The following REL variants were observed in gnomAD, a reference collection of about 807,000 sequenced individuals.
REL encodes the protein REL proto-oncogene, NF-kB subunit, also known as proto-oncogene c-Rel.
A neutral mutation model predicts 45.9 loss-of-function variants in REL; 15 were observed. The ratio of observed to expected loss-of-function variants is 0.33; its 90% CI spans 0.22 to 0.50. The LOEUF (loss-of-function observed/expected upper bound fraction) is 0.50, where lower values mean the gene tolerates loss of function less well. REL is among the 20% of genes least tolerant of loss of function. The pLI is 0.98. For missense variants in REL, 601 were observed against 715.2 expected, an observed-to-expected ratio of 0.84 and a Z score of 1.82; for synonymous variants, 239 against 242.1, an observed-to-expected ratio of 0.99 and a Z score of 0.12.
intron 4 of REL, among the ~76,000 whole-genome samples, chr2:60,912,580 G>T (rs1223868828): frequency 2.0e-5 from 3 of 152,042 alleles, no homozygotes; most frequent in Non-Finnish European, 4.4e-5. Context: ...TTCTGAAGTT[G>T]CAACAGTGCT....
intron 3 of REL, among the ~76,000 whole-genome samples, chr2:60,897,908 C>A (rs543884257): frequency 6.6e-6 from 1 of 150,376 alleles, no homozygotes; most frequent in Non-Finnish European, 1.5e-5. Context: ...ATTCCCCAAA[C>A]GTGATTTTAC....
At chr2:60,898,106 G>A (rs550719712) in intron 3 of REL, among the ~76,000 whole-genome samples, 1 of 152,114 alleles carries the variant, frequency 6.6e-6, no homozygotes, top group African/African-American at 2.4e-5. Flanking sequence ...ATTCATCACC[G>A]TCATACTACC....
intron 4 of REL, among the ~76,000 whole-genome samples, chr2:60,912,676 CA>C (rs1673852257): frequency 6.6e-6 from 1 of 151,806 alleles, no homozygotes; most frequent in Admixed American, 6.6e-5. Context: ...CTATAAAAGA[CA>C]AAACTGTTCA....
chr2:60,919,893 G>T, intron 7 of REL, 148 bp from the exon 8 acceptor site: 1 of 549,016 alleles, frequency 1.8e-6, no homozygotes, highest in South Asian at 2.8e-5. Flanking sequence ...CTACTGATTT[G>T]GGACATATTC....
Position 60,896,959 on chromosome 2 carries a change from A to G in REL, c.302+2414A>G, listed in dbSNP as rs149698506. Among the ~76,000 whole-genome samples the G allele has an allele frequency of 7.0e-3, 1,067 of 152,336 alleles. 12 individuals carry two copies. Among genetic ancestry groups the G allele is most frequent in the Non-Finnish European group, 0.011 (769 of 68,026 alleles). ...TAATATTTTCATGTTAACATGAAAC[A>G]TTTTGGGCAAGAAATCTATAGAAGT... On this transcript the variant is annotated intron_variant, in intron 3 of 9. Coordinates refer to ENST00000394479, the MANE Select transcript of REL (RefSeq NM_001291746.2).
intron 3 of REL, among the ~76,000 whole-genome samples, chr2:60,896,229 G>A (rs563575322): frequency 2.2e-4 from 33 of 152,110 alleles, no homozygotes; most frequent in South Asian, 1.7e-3. Context: ...GGCTGGTCTC[G>A]AATTCCTGAC....
rs747058897 is a variant in REL, at chr2:60,894,492, C to A, written c.249C>A (p.Asp83Glu). The A allele has an allele frequency of 1.1e-5, 17 of 1,608,454 alleles. No individual in the cohort carries two copies. Among genetic ancestry groups the A allele is most frequent in the Non-Finnish European group, 1.4e-5 (17 of 1,177,172 alleles). The change falls in exon 3 of 10, where the codon GAC (aspartate) becomes GAA (glutamate). Residue 83 changes from aspartate to glutamate, a missense_variant. Asp to Glu is a conservative substitution (Grantham distance 45, BLOSUM62 2). This residue lies in a region of REL where 241 missense variants were observed against 347.0 expected (regional missense o/e 0.69). Transcript: ENST00000394479. ...ATCCTCATGATTTAGTTGGAAAAGA[C>A]TGCAGAGACGGCTACTATGAAGCAG... is the stretch of plus-strand genomic sequence containing the variant. Reference protein sequence around the residue: ...KPHPHDLVGKDCRDGYYEAEF... With the variant: ...KPHPHDLVGKECRDGYYEAEF...
chr2:60,906,911 A>ATTTTTTT (rs1285004419), intron 4 of REL, among the ~76,000 whole-genome samples: 19 of 109,008 alleles, frequency 1.7e-4, no homozygotes, highest in Non-Finnish European at 2.3e-4. Context: ...ATATATATAT[A>ATTTTTTT]TATTTTTTTT....
chr2:60,891,726 G>A lies in REL; in HGVS notation c.54G>A (p.Gln18=), dbSNP rs2103927557. The A allele has an allele frequency of 6.2e-7, 1 of 1,614,082 alleles. No homozygotes were observed. ...PYIEIIEQPR[Q]RGMRFRYKCE... is the part of the protein sequence containing the mutation. Reference sequence around the variant, plus strand: ...TAGAGATAATTGAACAACCCAGGCAGAGGGGAATGCGTTTTAGATACAAAT... The same window carrying A: ...TAGAGATAATTGAACAACCCAGGCAAAGGGGAATGCGTTTTAGATACAAAT... Residue 18 remains glutamine (Q), a synonymous_variant, in exon 2 of 10, where the codon CAG becomes CAA. Transcript: ENST00000394479.
Position 60,927,790 on chromosome 2 carries a change from T to C in REL, c.*5255T>C, listed in dbSNP as rs1187633665. ...TTAAATGTACAGCTTAATTAATTTT[T>C]ATGTATGTTAACACCCATGTCACCA... On this transcript the variant is annotated 3_prime_UTR_variant, in exon 10 of 10. Transcript: ENST00000394479. 8.8e-6 allele frequency: 2 copies of C among 228,232 alleles called. No individual in the cohort carries two copies. Among genetic ancestry groups the C allele is most frequent in the Non-Finnish European group, 1.7e-5 (2 of 114,900 alleles). 14.1% of individuals were successfully genotyped at this position (228,232 alleles called of 1,614,324 possible). A position where few individuals can be genotyped will look rare whatever the true frequency, so the allele number is the denominator to read the frequency against.
intron 1 of REL, among the ~76,000 whole-genome samples, chr2:60,891,021 G>A (rs952127666): frequency 3.3e-5 from 5 of 152,158 alleles, no homozygotes; most frequent in Admixed American, 6.5e-5. Flanking sequence ...TATAGAAAGT[G>A]AATACTTTTT....
Position 60,920,036 on chromosome 2 carries a change from A to G in REL, c.854-5A>G. 1 of 1,598,840 alleles carries G rather than the reference A, an allele frequency of 6.3e-7. No homozygotes were observed. Among genetic ancestry groups the G allele is most frequent in the Non-Finnish European group, 8.5e-7 (1 of 1,170,258 alleles). On this transcript the variant is annotated splice_polypyrimidine_tract_variant and splice_region_variant and intron_variant, in intron 7 of 9. Transcript: ENST00000394479. ...TATCTGCTTTCCTGGTTTCTTTCTA[A>G]TCAGATACTTACGGCAATAAAGCAA...
At position 60,916,978 on chromosome 2, in the gene REL, G is replaced by A; in HGVS notation, c.496G>A (p.Ala166Thr). ...LPDEHGNLTT[A>T]LPPVVSNPIY... is the part of the protein sequence containing the mutation. ...TGATGAACATGGTAATTTGACGACT[G>A]CTCTTCCTCCTGTTGTCTCGAACCC... is the stretch of plus-strand genomic sequence containing the variant. Residue 166 changes from alanine (A) to threonine (T), a missense_variant, in exon 5 of 10, where the codon GCT becomes ACT. Ala to Thr is a moderately conservative substitution (Grantham distance 58). Transcript: ENST00000394479. The A allele has an allele frequency of 6.2e-7, 1 of 1,613,354 alleles. No homozygotes were observed. Among genetic ancestry groups the A allele is most frequent in the Non-Finnish European group, 8.5e-7 (1 of 1,179,578 alleles).
rs752105640 is a variant in REL, at chr2:60,922,516, A to T, written c.1745A>T (p.Tyr582Phe). 6.2e-7 allele frequency: 1 copy of T among 1,600,532 alleles called. No individual in the cohort carries two copies. Among genetic ancestry groups the T allele is most frequent in the South Asian group, 1.1e-5 (1 of 89,202 alleles). Residue 582 changes from tyrosine (Y) to phenylalanine (F), a missense_variant, in exon 10 of 10, where the codon TAT becomes TTT. Coordinates refer to ENST00000394479, the MANE Select transcript of REL (RefSeq NM_001291746.2). The part of the protein sequence containing the change: ...QNEQLSDSFP[Y>F]EFFQV ...GAGCAATTGAGTGACTCCTTTCCAT[A>T]TGAATTTTTTCAAGTATAACTTGCA...
rs1674223723 is a variant in REL at position 60,924,473 on chromosome 2, A to C, written c.*1938A>C. The C allele has an allele frequency of 4.7e-6, 1 of 214,994 alleles. No homozygotes were observed. The allele number at this position is 214,994 out of a possible 1,614,324, so 13.3% of individuals were successfully genotyped here. A position where few individuals can be genotyped will look rare whatever the true frequency, so the allele number is the denominator to read the frequency against. ...AGACGTATATGATTTTTGCAGTTTT[A>C]CTTAGTGTGACATTGGGTTTATGAG... is the stretch of plus-strand genomic sequence containing the variant. On this transcript the variant is annotated 3_prime_UTR_variant, in exon 10 of 10. Coordinates refer to ENST00000394479, the MANE Select transcript of REL (RefSeq NM_001291746.2).
intron 9 of REL, among the ~76,000 whole-genome samples, 166 bp from the exon 10 acceptor site, chr2:60,921,597 G>A (rs529597479): frequency 1.3e-5 from 2 of 152,154 alleles, no homozygotes; most frequent in African/African-American, 4.8e-5. Flanking sequence ...TTTTGGATTC[G>A]TGTAATAATT....
intron 3 of REL, among the ~76,000 whole-genome samples, chr2:60,896,429 G>A (rs968068604): frequency 4.0e-5 from 6 of 151,860 alleles, no homozygotes; most frequent in African/African-American, 1.4e-4. Flanking sequence ...TGTCTGGGTG[G>A]GTAAGATTGT....
intron 4 of REL, among the ~76,000 whole-genome samples, chr2:60,902,847 C>T (rs1381956650): frequency 1.3e-5 from 2 of 152,100 alleles, no homozygotes; most frequent in South Asian, 2.1e-4. Flanking sequence ...CCTCGGCCTT[C>T]TAAAGTGCTG....
chr2:60,889,293 T>C (rs933012722), intron 1 of REL, among the ~76,000 whole-genome samples: 1 of 152,186 alleles, frequency 6.6e-6, no homozygotes, highest in African/African-American at 2.4e-5. Context: ...CTTTCGCTCT[T>C]ATTTCCGCAG....
Sources: allele counts gnomAD v4.1 joint callset (sites outside exome capture counted in the v4.1 genomes callset), GRCh38; gene constraint gnomAD v4.1.1; regional missense constraint gnomAD v4.1.1; transcripts MANE v1.5; gene names NCBI Gene and HGNC (gene_info 2026-07-23, HGNC 2026-07-21).